Variants in MLPH observed in about 807,000 individuals in gnomAD.
MLPH encodes the protein exophilin-3.
A neutral mutation model predicts 72.1 loss-of-function variants in MLPH; 51 were observed. The ratio of observed to expected loss-of-function variants is 0.71; its 90% CI spans 0.56 to 0.89. MLPH has a LOEUF of 0.89. Ranked by LOEUF, MLPH falls within the 40% of genes least tolerant of loss-of-function variation. The pLI is 0.00. For synonymous variants in MLPH, 301 were observed against 310.1 expected (o/e 0.97, Z 0.31); for missense variants, 743 against 759.9 (o/e 0.98, Z 0.26).
intron 2 of MLPH, among the ~76,000 whole-genome samples, chr2:237,498,346 T>C (rs1361227371): frequency 1.3e-5 from 2 of 152,230 alleles, no homozygotes; most frequent in Non-Finnish European, 2.9e-5. Context: ...ATCAATCACG[T>C]TGAAGGACGC....
intron 2 of MLPH, among the ~76,000 whole-genome samples, chr2:237,498,069 G>T (rs1001165464): frequency 6.6e-6 from 1 of 152,168 alleles, no homozygotes; most frequent in African/African-American, 2.4e-5. Context: ...GAGAGAACAG[G>T]GGTGGGGGAA....
intron 2 of MLPH, among the ~76,000 whole-genome samples, chr2:237,507,062 C>CTTTTT (rs61091364): frequency 3.5e-4 from 33 of 94,528 alleles, no homozygotes; most frequent in African/African-American, 6.5e-4. Context: ...TTTTTTTTTT[C>CTTTTT]TTTTTTTTTT....
chr2:237,527,861 A>G lies in MLPH; in HGVS notation c.1020+345A>G, dbSNP rs536685093. On this transcript the variant is annotated intron_variant, in intron 8 of 15. Coordinates refer to ENST00000264605, the MANE Select transcript of MLPH (RefSeq NM_024101.7). ...CATAGCAGCGTTATTTGTAATAATC[A>G]AAAGGTGGAAGTAACCCAAGCGTCC... Among the ~76,000 whole-genome samples the G allele has an allele frequency of 1.6e-4, 24 of 152,344 alleles. No individual in the cohort carries two copies. In the South Asian group the frequency reaches 4.8e-3, roughly 30 times the overall value.
chr2:237,509,628 C>G (rs563619972), intron 2 of MLPH, among the ~76,000 whole-genome samples: 3 of 152,302 alleles, frequency 2.0e-5, no homozygotes, highest in Admixed American at 2.0e-4. Context: ...ACTGCTTGAC[C>G]CTTTTTCTCT....
Position 237,541,510 on chromosome 2 carries a change from A to G in MLPH, c.1446+553A>G, listed in dbSNP as rs1024502824. On this transcript the variant is annotated intron_variant, in intron 11 of 15. Coordinates refer to ENST00000264605, the MANE Select transcript of MLPH (RefSeq NM_024101.7). This position sits in a 1 kb window ranked among gnomAD's most constrained non-coding sequence, Gnocchi z 5.1. The stretch of plus-strand genomic sequence containing the variant: ...AGGGGGTGCCTCTCGGACTGTGAGG[A>G]CAGCCAGCCCCCACGGCCCTCCTCC... Among the ~76,000 whole-genome samples, 5 of 152,188 alleles carry G rather than the reference A, an allele frequency of 3.3e-5. No individual in the cohort carries two copies. The highest frequency in any genetic ancestry group is 2.0e-4 in the Admixed American group (3 of 15,278).
intron 9 of MLPH, among the ~76,000 whole-genome samples, chr2:237,536,433 T>C (rs1283002726): frequency 1.3e-5 from 2 of 152,168 alleles, no homozygotes. Flanking sequence ...CCCTCACTTA[T>C]AGATGAGGAA....
chr2:237,519,960 T>C lies in MLPH; in HGVS notation c.606T>C (p.Asp202=). 6.2e-7 allele frequency: 1 copy of C among 1,614,004 alleles called. No homozygotes were observed. The highest frequency in any genetic ancestry group is 8.5e-7 in the Non-Finnish European group (1 of 1,180,000). ...VHDFDFEGDS[D]DSTQPQGHSL... ...ACTTCGACTTCGAGGGAGACTCAGA[T>C]GACTCCACTCAGCCTCAAGGTCACT... Residue 202 remains aspartate, a synonymous_variant, in exon 6 of 16, where the codon GAT becomes GAC. Coordinates refer to ENST00000264605, the MANE Select transcript of MLPH (RefSeq NM_024101.7).
chr2:237,550,143 C>T (rs138848027), intron 14 of MLPH, among the ~76,000 whole-genome samples: 1 of 152,218 alleles, frequency 6.6e-6, no homozygotes, highest in African/African-American at 2.4e-5. Context: ...CTTGCCTCCA[C>T]GCCTGGGTGT....
rs888959395 is a variant in MLPH at position 237,510,232 on chromosome 2, G to C, written c.111-342G>C. ...AAACACCATCTGGCTTTGCCCCCAGGATTCTGTGACTGCCCTGGGGAGGGC... is the reference window on the plus strand; with the variant it reads ...AAACACCATCTGGCTTTGCCCCCAGCATTCTGTGACTGCCCTGGGGAGGGC... On this transcript the variant is annotated intron_variant, in intron 2 of 15. Transcript: ENST00000264605. This position sits in a 1 kb window ranked among gnomAD's most constrained non-coding sequence, Gnocchi z 4.4. 5.4e-6 allele frequency: 2 copies of C among 368,670 alleles called. No individual in the cohort carries two copies. The highest frequency in any genetic ancestry group is 5.2e-6 in the Non-Finnish European group (1 of 192,858). 22.8% of individuals were successfully genotyped at this position (368,670 alleles called of 1,614,324 possible). A position where few individuals can be genotyped will look rare whatever the true frequency, so the allele number is the denominator to read the frequency against.
chr2:237,542,349 C>T (rs979897605), intron 11 of MLPH, among the ~76,000 whole-genome samples: 3 of 152,140 alleles, frequency 2.0e-5, no homozygotes, highest in Non-Finnish European at 4.4e-5. Flanking sequence ...CCTGGGGTGA[C>T]CCATAAGGAA....
chr2:237,548,168 C>T (rs559557198), intron 13 of MLPH, among the ~76,000 whole-genome samples: 1 of 152,188 alleles, frequency 6.6e-6, no homozygotes, highest in Non-Finnish European at 1.5e-5. Context: ...CAGGAAGTGA[C>T]AGCGGGGTCT....
intron 14 of MLPH, among the ~76,000 whole-genome samples, chr2:237,550,399 A>T (rs2081007985): frequency 6.6e-6 from 1 of 152,182 alleles, no homozygotes; most frequent in Admixed American, 6.5e-5. Flanking sequence ...TTTGGGGCTA[A>T]TCCCAGATTC....
intron 4 of MLPH, among the ~76,000 whole-genome samples, chr2:237,516,937 A>ATGGATGGATGGATGGATGGATAGG: frequency 6.9e-6 from 1 of 145,188 alleles, no homozygotes; most frequent in Admixed American, 6.7e-5. Context: ...GGATGGATGG[A>ATGGATGGATGGATGGATGGATAGG]TGGATAGGTG....
intron 2 of MLPH, among the ~76,000 whole-genome samples, chr2:237,501,663 CTAAAAAAAAAAAAAA>C (rs1413621553): frequency 9.8e-6 from 1 of 101,666 alleles, no homozygotes; most frequent in African/African-American, 3.5e-5. Flanking sequence ...CACGTCTCTA[CTAAAAAAAAAAAAAA>C]AAAAAAAAAA....
chr2:237,526,322 C>T (rs1180808384), intron 7 of MLPH, among the ~76,000 whole-genome samples: 6 of 152,102 alleles, frequency 3.9e-5, no homozygotes, highest in African/African-American at 9.7e-5. Flanking sequence ...ACCATGGGTC[C>T]GAGAGTTCAG....
At chr2:237,551,398 A>AC in intron 14 of MLPH, among the ~76,000 whole-genome samples, 1 of 152,354 alleles carries the variant, frequency 6.6e-6, no homozygotes, top group African/African-American at 2.4e-5. Context: ...AAATGCTCCC[A>AC]CCCTGGCTGA....
chr2:237,508,035 G>T (rs2079812719), intron 2 of MLPH, among the ~76,000 whole-genome samples: 1 of 152,116 alleles, frequency 6.6e-6, no homozygotes, highest in Non-Finnish European at 1.5e-5. Context: ...ATGGACTGGG[G>T]GCCACGGTTC....
chr2:237,536,549 C>A (rs2080534650), intron 9 of MLPH, among the ~76,000 whole-genome samples: 1 of 152,180 alleles, frequency 6.6e-6, no homozygotes, highest in African/African-American at 2.4e-5. Flanking sequence ...CACGGGATGC[C>A]TCTGGAAGGG....
rs1488872940 is a variant in MLPH, at chr2:237,554,565, C to T, written c.*973C>T. 6.6e-6 allele frequency: 1 copy of T among 152,582 alleles called. No individual in the cohort carries two copies. Among genetic ancestry groups the T allele is most frequent in the African/African-American group, 2.4e-5 (1 of 41,450 alleles). The allele number at this position is 152,582 out of a possible 1,614,324, so 9.5% of individuals were successfully genotyped here. The stretch of plus-strand genomic sequence containing the variant: ...TTAAGTGGAGCCCTCCAAGACTCTC[C>T]AGAGCTGCCTTTGAACATCCTAACA... On this transcript the variant is annotated 3_prime_UTR_variant, in exon 16 of 16. Transcript: ENST00000264605.
Sources: allele counts gnomAD v4.1 joint callset (sites outside exome capture counted in the v4.1 genomes callset), GRCh38; gene constraint gnomAD v4.1.1; non-coding constraint Gnocchi (gnomAD v3.1); transcripts MANE v1.5; gene names NCBI Gene and HGNC (gene_info 2026-07-23, HGNC 2026-07-21).